RGS7: variants seen among roughly 807,000 people sequenced by gnomAD.
RGS7 encodes regulator of G-protein signaling 7.
RGS7 carries 27 observed loss-of-function variants against 81.1 expected under a neutral mutation model. The observed-to-expected ratio is 0.33, with a 90% CI of 0.25 to 0.46. The LOEUF (loss-of-function observed/expected upper bound fraction) is 0.46, where lower values mean the gene tolerates loss of function less well. RGS7 is among the 20% of genes least tolerant of loss of function. The probability of loss-of-function intolerance (pLI) is 1.00; values close to 1 mark genes in which losing one functional copy is unlikely to be tolerated. For synonymous variants in RGS7, 208 were observed against 207.7 expected, an observed-to-expected ratio of 1.00 and a Z score of -0.01; for missense variants, 396 against 607.4, an observed-to-expected ratio of 0.65 and a Z score of 3.66.
chr1:241,330,361 T>C (rs149373179), intron 2 of RGS7, among the ~76,000 whole-genome samples: 1 of 152,210 alleles, frequency 6.6e-6, no homozygotes, highest in Non-Finnish European at 1.5e-5. Context: ...TCTATCAGAT[T>C]CAAAAAACAA....
intron 2 of RGS7, among the ~76,000 whole-genome samples, chr1:241,337,235 A>T (rs1246664395): frequency 6.6e-6 from 1 of 152,140 alleles, no homozygotes; most frequent in African/African-American, 2.4e-5. Context: ...TCTGTACTCC[A>T]TTGTTCATGC....
chr1:240,959,018 C>T (rs1571996016), intron 4 of RGS7, among the ~76,000 whole-genome samples: 1 of 152,154 alleles, frequency 6.6e-6, no homozygotes, highest in Non-Finnish European at 1.5e-5. Context: ...ATAAGCAGAA[C>T]GTATCATTTG....
intron 2 of RGS7, 67 bp downstream of exon 2, chr1:241,355,632 T>C (rs1295665963): frequency 7.2e-7 from 1 of 1,389,516 alleles, no homozygotes; most frequent in Non-Finnish European, 1.0e-6. Flanking sequence ...TACTCTGATC[T>C]AGAGGGGGAA....
At chr1:241,008,934 A>G (rs1350403570) in intron 3 of RGS7, among the ~76,000 whole-genome samples, 1 of 150,692 alleles carries the variant, frequency 6.6e-6, no homozygotes, top group Non-Finnish European at 1.5e-5. Context: ...AAAAAAAAAA[A>G]AAGAAATGTG....
At chr1:240,817,892 C>T (rs537053947) in intron 10 of RGS7, among the ~76,000 whole-genome samples, 3 of 152,220 alleles carry the variant, frequency 2.0e-5, no homozygotes, top group East Asian at 1.9e-4. Context: ...CGTGAGCCAC[C>T]GCGCCTGGCC....
At chr1:241,167,431 T>G (rs1045612142) in intron 2 of RGS7, among the ~76,000 whole-genome samples, 4 of 152,146 alleles carry the variant, frequency 2.6e-5, no homozygotes, top group African/African-American at 9.7e-5. Context: ...GTCATGTGAC[T>G]AAGATCTGGC....
chr1:240,833,516 A>G (rs748151300), intron 9 of RGS7, among the ~76,000 whole-genome samples: 22 of 152,312 alleles, frequency 1.4e-4, no homozygotes, highest in Middle Eastern at 3.4e-3. Flanking sequence ...TGAGTTTATT[A>G]GAGTATTAAA....
intron 2 of RGS7, among the ~76,000 whole-genome samples, chr1:241,134,508 G>A (rs1211186257): frequency 2.0e-5 from 3 of 152,216 alleles, no homozygotes; most frequent in Non-Finnish European, 2.9e-5. Flanking sequence ...CAAATGTAAT[G>A]CGTGAATCTG....
intron 3 of RGS7, among the ~76,000 whole-genome samples, chr1:241,069,823 A>C (rs749790172): frequency 2.0e-5 from 3 of 152,280 alleles, no homozygotes; most frequent in Non-Finnish European, 4.4e-5. Context: ...AGTAAATGAA[A>C]GAAGAAAAAC....
At chr1:241,020,683 G>A (rs1254423697) in intron 3 of RGS7, among the ~76,000 whole-genome samples, 2 of 151,968 alleles carry the variant, frequency 1.3e-5, no homozygotes, top group Non-Finnish European at 2.9e-5. Flanking sequence ...GTCAGCTGTT[G>A]ACTGAACCAA....
intron 3 of RGS7, among the ~76,000 whole-genome samples, chr1:241,069,421 G>A (rs577713704): frequency 9.2e-5 from 14 of 152,216 alleles, no homozygotes; most frequent in South Asian, 6.2e-4. Context: ...AAAGAAGAAC[G>A]GGGGAAAATT....
chr1:240,866,155 G>C (rs990941680), intron 9 of RGS7, among the ~76,000 whole-genome samples: 2 of 152,184 alleles, frequency 1.3e-5, no homozygotes, highest in African/African-American at 4.8e-5. Flanking sequence ...GGTAGGATTG[G>C]TTTTAGGCGA....
At chr1:241,108,429 T>C (rs898878046) in intron 2 of RGS7, among the ~76,000 whole-genome samples, 7 of 152,016 alleles carry the variant, frequency 4.6e-5, no homozygotes, top group Non-Finnish European at 1.0e-4. Context: ...GGAAGTAGCA[T>C]GACCAAATAG....
chr1:240,968,590 C>G (rs1388109909), intron 4 of RGS7, among the ~76,000 whole-genome samples: 1 of 151,854 alleles, frequency 6.6e-6, no homozygotes, highest in African/African-American at 2.4e-5. Flanking sequence ...CTTGCAGCCT[C>G]CCTCACTTAA....
At chr1:241,080,377 A>C (rs1245125690) in intron 3 of RGS7, among the ~76,000 whole-genome samples, 1 of 152,108 alleles carries the variant, frequency 6.6e-6, no homozygotes, top group Non-Finnish European at 1.5e-5. Flanking sequence ...AGTGATAGCT[A>C]AGAATTCAAA....
intron 9 of RGS7, among the ~76,000 whole-genome samples, chr1:240,860,648 C>T (rs530687756): frequency 3.1e-4 from 47 of 152,160 alleles, no homozygotes; most frequent in African/African-American, 1.1e-3. Context: ...AAAATAGATA[C>T]GTAGGGACAT....
At chr1:240,877,720 C>T (rs1403410668) in intron 6 of RGS7, among the ~76,000 whole-genome samples, 1 of 152,118 alleles carries the variant, frequency 6.6e-6, no homozygotes. Context: ...AACATACACG[C>T]ATGTATATAT....
chr1:240,924,993 G>A (rs1004151422), intron 6 of RGS7, among the ~76,000 whole-genome samples: 3 of 152,046 alleles, frequency 2.0e-5, no homozygotes, highest in African/African-American at 7.2e-5. Flanking sequence ...TACAGGGGAG[G>A]CTCCTGTCTT....
In RGS7 at chr1:241,054,604, T is replaced by C. The variant is rs182721759; in HGVS notation, c.175+44062A>G. On this transcript the variant is annotated intron_variant, in intron 3 of 18. Transcript: ENST00000440928. ...ATATGTAATAGGTAATTCAAACGTATAACATGTCCAAAATAGAACTTTTAT... is the reference window on the plus strand; with the variant it reads ...ATATGTAATAGGTAATTCAAACGTACAACATGTCCAAAATAGAACTTTTAT... Among the ~76,000 whole-genome samples the C allele has an allele frequency of 3.9e-4, 60 of 152,336 alleles. 1 individual carries two copies. The East Asian group carries it at 9.5e-3, about 24-fold the overall frequency.
Sources: gnomAD v4.1 joint callset for allele counts (sites outside exome capture counted in the v4.1 genomes callset) on GRCh38, gnomAD v4.1.1 for gene constraint, MANE v1.5 for transcripts, NCBI Gene and HGNC (gene_info 2026-07-23, HGNC 2026-07-21) for gene names.